CCM2: variants seen among roughly 807,000 people sequenced by gnomAD.
CCM2 encodes CCM2 scaffold protein.
In CCM2, 25 loss-of-function variants were observed where a neutral mutation model predicts 44.9. That is an observed-to-expected ratio of 0.56 (90% confidence interval 0.41 to 0.78). The LOEUF (loss-of-function observed/expected upper bound fraction) is 0.78. Among genes scored for constraint, CCM2 ranks in the 30% least tolerant of loss-of-function variants. CCM2 has a pLI of 0.00. For missense variants in CCM2, 481 were observed against 580.6 expected (o/e 0.83, Z 1.76); for synonymous variants, 219 against 241.1 (o/e 0.91, Z 0.85).
Position 45,036,913 on chromosome 7 carries a change from G to A in CCM2, c.31-1340G>A, listed in dbSNP as rs575264451. On this transcript the variant is annotated intron_variant, in intron 1 of 9. Coordinates refer to ENST00000258781, the MANE Select transcript of CCM2 (RefSeq NM_031443.4). The stretch of plus-strand genomic sequence containing the variant: ...TGCACTGGGTCACCCTATCCTGGCA[G>A]GCACCTGCAAAAGGAGTGTTGTCAT... Among the ~76,000 whole-genome samples the A allele has an allele frequency of 1.4e-3, 210 of 152,298 alleles. 5 individuals are homozygous for A. The South Asian group carries it at 0.041, about 30-fold the overall frequency.
Position 45,038,427 on chromosome 7 carries a change from G to A in CCM2, c.204+1G>A. On this transcript the variant is annotated splice_donor_variant, in intron 2 of 9. Coordinates refer to ENST00000258781, the MANE Select transcript of CCM2 (RefSeq NM_031443.4). LOFTEE classifies it high-confidence loss of function. Reference sequence around the variant, plus strand: ...CGACTATATTGAGAAGGAGGTAAAGGTAAGTCGTCATGGGCCACAGGACGT... The same window carrying A: ...CGACTATATTGAGAAGGAGGTAAAGATAAGTCGTCATGGGCCACAGGACGT... 1 of 1,613,914 alleles carries A rather than the reference G, an allele frequency of 6.2e-7. No individual in the cohort carries two copies. The highest frequency in any genetic ancestry group is 8.5e-7 in the Non-Finnish European group (1 of 1,180,012).
intron 1 of CCM2, among the ~76,000 whole-genome samples, chr7:45,037,418 C>CTTT (rs11424221): frequency 0.46 from 50,974 of 111,790 alleles, 13,060 homozygotes; most frequent in East Asian, 0.67. Context: ...TCTCCCCCTA[C>CTTT]TTTTTTTTTT....
At chr7:45,029,510 G>A (rs1796859041) in intron 1 of CCM2, 1 of 152,194 alleles carries the variant, frequency 6.6e-6, no homozygotes, top group African/African-American at 2.4e-5. Flanking sequence ...CAGCTAGAAG[G>A]TATAGCCATA....
At chr7:45,070,156 A>C (rs1036120078) in intron 6 of CCM2, 195 bp downstream of exon 6, 2 of 666,728 alleles carry the variant, frequency 3.0e-6, no homozygotes, top group East Asian at 2.8e-5. Flanking sequence ...TGTCCTTGAG[A>C]GAGTTGCACC....
chr7:45,071,469 C>G, intron 6 of CCM2: 1 of 267,078 alleles, frequency 3.7e-6, no homozygotes, highest in South Asian at 3.5e-5. Context: ...GCACACGTTA[C>G]GCACATGCAT....
At chr7:45,024,022 G>T (rs1394857551) in intron 1 of CCM2, among the ~76,000 whole-genome samples, 1 of 151,990 alleles carries the variant, frequency 6.6e-6, no homozygotes, top group Non-Finnish European at 1.5e-5. Context: ...TGCTGGTCAG[G>T]CTGGTCTCGA....
intron 7 of CCM2, chr7:45,073,071 G>A (rs1799158742): frequency 5.1e-6 from 3 of 593,738 alleles, no homozygotes; most frequent in East Asian, 2.8e-5. Flanking sequence ...TCCCCTGCCC[G>A]AGCCTGCCGA....
Position 45,076,039 on chromosome 7 carries a change from G to A in CCM2, c.1317G>A (p.Met439Ile). 6.2e-7 allele frequency: 1 copy of A among 1,613,062 alleles called. No individual in the cohort carries two copies. Among genetic ancestry groups the A allele is most frequent in the Non-Finnish European group, 8.5e-7 (1 of 1,180,036 alleles). The change falls in exon 10 of 10, where the codon ATG becomes ATA. Residue 439 changes from methionine to isoleucine, a missense_variant. Physicochemically the swap from Met to Ile is conservative, Grantham distance 10. Transcript: ENST00000258781. ...ACATTGAGGCGCTGGGCTGCAGCAT[G>A]GACCAGGACTCAGCATGATGGACAG... ...SSDIEALGCS[M>I]DQDSA
chr7:45,066,853 TA>T (rs1230410524), intron 4 of CCM2, among the ~76,000 whole-genome samples: 1 of 151,904 alleles, frequency 6.6e-6, no homozygotes, highest in African/African-American at 2.4e-5. Context: ...AGAGATTTCT[TA>T]CCAAACTCAT....
chr7:45,050,185 A>G (rs761484748), intron 2 of CCM2, among the ~76,000 whole-genome samples: 1 of 152,266 alleles, frequency 6.6e-6, no homozygotes, highest in African/African-American at 2.4e-5. Context: ...GCCTGCCTGC[A>G]GTATTCATAC....
intron 1 of CCM2, chr7:45,029,302 G>GT (rs369193627): frequency 6.6e-6 from 1 of 151,792 alleles, no homozygotes; most frequent in South Asian, 2.1e-4. Context: ...AGGCGGTTTT[G>GT]TTTTATTAGA....
chr7:45,015,979 T>G (rs6951729), intron 1 of CCM2, among the ~76,000 whole-genome samples: 132,092 of 152,330 alleles, frequency 0.87, 57,592 homozygotes, highest in African/African-American at 0.96. Context: ...TTATCCCTCC[T>G]TTTATCATTT....
chr7:45,040,952 T>TGCACTC (rs1437554956), intron 2 of CCM2, among the ~76,000 whole-genome samples: 1 of 152,196 alleles, frequency 6.6e-6, no homozygotes, highest in Non-Finnish European at 1.5e-5. Flanking sequence ...ATCGCACCCC[T>TGCACTC]GCACTCCAGC....
intron 1 of CCM2, among the ~76,000 whole-genome samples, chr7:45,008,076 T>C (rs1297957679): frequency 8.1e-5 from 12 of 148,244 alleles, no homozygotes; most frequent in Non-Finnish European, 1.2e-4. Context: ...GGAGTCTTGC[T>C]CTGCTGCCCA....
chr7:45,059,712 T>A (rs1387888965), intron 2 of CCM2, among the ~76,000 whole-genome samples: 1 of 152,214 alleles, frequency 6.6e-6, no homozygotes, highest in Non-Finnish European at 1.5e-5. Context: ...CACTCCAGCC[T>A]GGGCAACAGA....
intron 2 of CCM2, among the ~76,000 whole-genome samples, chr7:45,050,283 T>A (rs1422241000): frequency 6.6e-6 from 1 of 152,246 alleles, no homozygotes; most frequent in East Asian, 1.9e-4. Context: ...TGAGTTTGTG[T>A]AATTACACTC....
At chr7:45,063,447 G>A (rs1305460118) in intron 2 of CCM2, among the ~76,000 whole-genome samples, 1 of 152,188 alleles carries the variant, frequency 6.6e-6, no homozygotes, top group East Asian at 1.9e-4. Context: ...CTTTTTGGGG[G>A]ACACATTGAA....
chr7:45,042,573 A>G (rs1383995626), intron 2 of CCM2, among the ~76,000 whole-genome samples: 1 of 152,214 alleles, frequency 6.6e-6, no homozygotes, highest in Non-Finnish European at 1.5e-5. Context: ...GAAAACAGAA[A>G]GCAGATTTCT....
chr7:45,059,574 G>A (rs183497063), intron 2 of CCM2, among the ~76,000 whole-genome samples: 1 of 152,054 alleles, frequency 6.6e-6, no homozygotes, highest in African/African-American at 2.4e-5. Context: ...GCAAAACCCC[G>A]TCTGTCTCTA....
Sources: gnomAD v4.1 joint callset for allele counts (sites outside exome capture counted in the v4.1 genomes callset) on GRCh38, gnomAD v4.1.1 for gene constraint, MANE v1.5 for transcripts, NCBI Gene and HGNC (gene_info 2026-07-23, HGNC 2026-07-21) for gene names.